Variants in PMM2 observed in about 807,000 individuals in gnomAD.
The protein encoded by PMM2 is phosphomannomutase 2.
A neutral mutation model predicts 33.2 loss-of-function variants in PMM2; 35 were observed. The observed-to-expected ratio is 1.06, with a 90% CI of 0.81 to 1.40. The LOEUF is 1.40. Ranked by LOEUF, PMM2 falls within the 40% of genes most tolerant of loss-of-function variation. The pLI, the probability that PMM2 is intolerant of heterozygous loss-of-function variation, is 0.00. For missense variants in PMM2, 386 were observed against 306.0 expected, an observed-to-expected ratio of 1.26 and a Z score of -1.95; for synonymous variants, 153 against 114.7, an observed-to-expected ratio of 1.33 and a Z score of -2.13.
chr16:8,837,500 G>GA (rs1596503188), intron 7 of PMM2, among the ~76,000 whole-genome samples: 1 of 151,488 alleles, frequency 6.6e-6, no homozygotes, highest in South Asian at 2.1e-4. Context: ...TAAGCCCAGA[G>GA]AAAAGAGTAG....
intron 7 of PMM2, among the ~76,000 whole-genome samples, chr16:8,815,300 A>G (rs2060701204): frequency 1.3e-5 from 2 of 149,968 alleles, no homozygotes; most frequent in African/African-American, 2.5e-5. Flanking sequence ...GCTCACTGCA[A>G]CCTCCACCTC....
chr16:8,833,993 C>T (rs77868628), intron 7 of PMM2, among the ~76,000 whole-genome samples: 8 of 151,562 alleles, frequency 5.3e-5, no homozygotes, highest in South Asian at 2.1e-4. Flanking sequence ...TTGAGAATGG[C>T]GAATAGGAAT....
At chr16:8,807,377 C>T (rs953039709) in intron 4 of PMM2, among the ~76,000 whole-genome samples, 1 of 152,152 alleles carries the variant, frequency 6.6e-6, no homozygotes, top group African/African-American at 2.4e-5. Context: ...ACTCCGGCTC[C>T]CAGTTCCCTG....
intron 7 of PMM2, among the ~76,000 whole-genome samples, chr16:8,842,049 C>G (rs1486886129): frequency 6.7e-6 from 1 of 150,034 alleles, no homozygotes; most frequent in Non-Finnish European, 1.5e-5. Flanking sequence ...ACAGTAAGGT[C>G]AAGTTGTTTG....
At chr16:8,805,404 G>GT (rs1394853694) in intron 3 of PMM2, among the ~76,000 whole-genome samples, 1 of 152,018 alleles carries the variant, frequency 6.6e-6, no homozygotes, top group Admixed American at 6.6e-5. Flanking sequence ...GTCTTGCTGT[G>GT]TTAACCAGGC....
intron 7 of PMM2, among the ~76,000 whole-genome samples, chr16:8,817,317 A>T (rs909161342): frequency 1.3e-5 from 2 of 152,234 alleles, no homozygotes; most frequent in African/African-American, 4.8e-5. Context: ...GTCTGACTTC[A>T]TGTCTTTAAA....
intron 2 of PMM2, among the ~76,000 whole-genome samples, chr16:8,804,057 T>C (rs183892943): frequency 6.9e-6 from 1 of 145,000 alleles, no homozygotes; most frequent in Non-Finnish European, 1.5e-5. Flanking sequence ...TTTTTGACGT[T>C]AGACAGAGTC....
intron 7 of PMM2, among the ~76,000 whole-genome samples, chr16:8,840,855 T>G (rs1465401010): frequency 6.6e-6 from 1 of 151,960 alleles, no homozygotes; most frequent in African/African-American, 2.4e-5. Flanking sequence ...CTAGGGTGTC[T>G]TCATATGGCT....
chr16:8,847,889 C>T lies in PMM2; in HGVS notation c.*64C>T. The T allele has an allele frequency of 7.8e-7, 1 of 1,280,362 alleles. No individual in the cohort carries two copies. The highest frequency in any genetic ancestry group is 2.3e-5 in the East Asian group (1 of 42,752). 79.3% of individuals were successfully genotyped at this position (1,280,362 alleles called of 1,614,324 possible). A position where few individuals can be genotyped will look rare whatever the true frequency, so the allele number is the denominator to read the frequency against. On this transcript the variant is annotated 3_prime_UTR_variant, in exon 8 of 8. Transcript: ENST00000268261. ...AGCATAGGGCATTCGGTGGCCAGAG[C>T]CGAGGGTCCTCCCACACGTGCTCAC...
At position 8,807,760 on chromosome 16, in the gene PMM2, G is replaced by T. The variant is rs11640287; in HGVS notation, c.347+1353G>T. The T allele has an allele frequency of 7.6e-3, 1,161 of 152,446 alleles. 5 individuals carry two copies. The highest frequency in any genetic ancestry group is 0.013 in the Non-Finnish European group (856 of 68,136). 9.4% of individuals were successfully genotyped at this position (152,446 alleles called of 1,614,324 possible). A position where few individuals can be genotyped will look rare whatever the true frequency, so the allele number is the denominator to read the frequency against. ...TCCTCCCACTTCACTCTCCCAAAAT[G>T]TTGGGATTACAGGCATTAGCCACTG... On this transcript the variant is annotated intron_variant, in intron 4 of 7. Transcript: ENST00000268261.
intron 4 of PMM2, chr16:8,809,303 C>T (rs2060664667): frequency 6.6e-6 from 1 of 152,216 alleles, no homozygotes; most frequent in Non-Finnish European, 1.5e-5. Flanking sequence ...GGTTCCCAGG[C>T]ATCAGCGTTT....
At chr16:8,819,596 G>A (rs1335031200) in intron 7 of PMM2, among the ~76,000 whole-genome samples, 1 of 151,778 alleles carries the variant, frequency 6.6e-6, no homozygotes, top group East Asian at 1.9e-4. Context: ...TAGGGAGGCT[G>A]AAGTGGGAGG....
chr16:8,813,955 C>T (rs939857544), intron 7 of PMM2, among the ~76,000 whole-genome samples: 2 of 149,622 alleles, frequency 1.3e-5, no homozygotes, highest in African/African-American at 2.5e-5. Context: ...CAACCTCTGC[C>T]TCCCAGGTTC....
intron 7 of PMM2, among the ~76,000 whole-genome samples, chr16:8,829,655 A>G (rs1018848355): frequency 2.0e-5 from 3 of 152,132 alleles, no homozygotes; most frequent in African/African-American, 7.2e-5. Flanking sequence ...CCGGGAATTC[A>G]AAGGATGGTC....
At chr16:8,832,132 T>C in intron 7 of PMM2, 1 of 985,394 alleles carries the variant, frequency 1.0e-6, no homozygotes. Context: ...TACTCTGGTA[T>C]GCAAGCTCGA....
intron 7 of PMM2, among the ~76,000 whole-genome samples, chr16:8,822,752 G>A (rs2060745164): frequency 6.6e-6 from 1 of 152,204 alleles, no homozygotes. Flanking sequence ...GGTAGGTGTT[G>A]ACCCAAAGGT....
chr16:8,844,060 C>T (rs917796948), intron 7 of PMM2, among the ~76,000 whole-genome samples: 2 of 152,096 alleles, frequency 1.3e-5, no homozygotes, highest in Non-Finnish European at 2.9e-5. Flanking sequence ...ACTGTTTGCC[C>T]ATTTTACGAC....
At chr16:8,804,454 G>C (rs1390688970) in intron 2 of PMM2, among the ~76,000 whole-genome samples, 1 of 152,130 alleles carries the variant, frequency 6.6e-6, no homozygotes, top group African/African-American at 2.4e-5. Flanking sequence ...GGTTGCTGCT[G>C]GTGAACCATC....
chr16:8,805,981 A>T (rs1167420962), intron 3 of PMM2, among the ~76,000 whole-genome samples: 1 of 152,202 alleles, frequency 6.6e-6, no homozygotes, highest in African/African-American at 2.4e-5. Flanking sequence ...TGGAACAAAT[A>T]TATTGTCTGT....
Sources: allele counts gnomAD v4.1 joint callset (sites outside exome capture counted in the v4.1 genomes callset), GRCh38; gene constraint gnomAD v4.1.1; transcripts MANE v1.5; gene names NCBI Gene and HGNC (gene_info 2026-07-23, HGNC 2026-07-21).